The following RALGPS1 variants were observed in gnomAD, a reference collection of about 807,000 sequenced individuals.
RALGPS1 encodes ras-specific guanine nucleotide-releasing factor RalGPS1.
A neutral mutation model predicts 78.8 loss-of-function variants in RALGPS1; 19 were observed. The observed-to-expected ratio is 0.24, with a 90% confidence interval of 0.17 to 0.35. The LOEUF (loss-of-function observed/expected upper bound fraction) is 0.35, where lower values mean the gene tolerates loss of function less well. RALGPS1 is among the 10% of genes least tolerant of loss of function. RALGPS1 has a pLI of 1.00. For synonymous variants in RALGPS1, 228 were observed against 256.3 expected, an observed-to-expected ratio of 0.89 and a Z score of 1.06; for missense variants, 454 against 688.3, an observed-to-expected ratio of 0.66 and a Z score of 3.81.
At chr9:126,920,993 G>C (rs1434558167) in intron 1 of RALGPS1, among the ~76,000 whole-genome samples, 2 of 152,230 alleles carry the variant, frequency 1.3e-5, no homozygotes, top group African/African-American at 2.4e-5. Context: ...GTAAAGTGGG[G>C]ATAGCAGTTT....
intron 11 of RALGPS1, chr9:127,184,427 G>A (rs2060502607): frequency 4.1e-6 from 1 of 245,426 alleles, no homozygotes; most frequent in Non-Finnish European, 8.1e-6. Flanking sequence ...GAAACAATGT[G>A]TGTGAATGTG....
At chr9:127,055,272 G>A (rs113703400) in intron 7 of RALGPS1, among the ~76,000 whole-genome samples, 10 of 152,156 alleles carry the variant, frequency 6.6e-5, no homozygotes, top group African/African-American at 2.2e-4. Context: ...CAGCTGGAGT[G>A]CAGTGGCCTG....
chr9:126,915,281 G>A (rs1268048697), intron 1 of RALGPS1, among the ~76,000 whole-genome samples: 1 of 140,052 alleles, frequency 7.1e-6, no homozygotes, highest in East Asian at 2.1e-4. Context: ...CGGGGGGCGG[G>A]GCCGGGGGGG....
chr9:126,964,343 C>T (rs1427593128), intron 2 of RALGPS1, among the ~76,000 whole-genome samples: 5 of 136,886 alleles, frequency 3.7e-5, no homozygotes, highest in Non-Finnish European at 7.6e-5. Context: ...CACTTTTGCC[C>T]GGGTGACAGA....
At chr9:127,053,869 G>T (rs2048497622) in intron 7 of RALGPS1, among the ~76,000 whole-genome samples, 1 of 152,164 alleles carries the variant, frequency 6.6e-6, no homozygotes, top group Non-Finnish European at 1.5e-5. Flanking sequence ...AGAAGTTTTA[G>T]CCCAGTGTCA....
intron 10 of RALGPS1, among the ~76,000 whole-genome samples, chr9:127,170,303 C>T (rs180673072): frequency 1.1e-3 from 175 of 152,338 alleles, no homozygotes; most frequent in Non-Finnish European, 2.0e-3. Context: ...ACCTGGGAAA[C>T]TCTAACCATC....
chr9:127,115,747 A>G (rs955443176), intron 8 of RALGPS1, among the ~76,000 whole-genome samples: 2 of 152,226 alleles, frequency 1.3e-5, no homozygotes, highest in Non-Finnish European at 2.9e-5. Context: ...GGTCAGCACA[A>G]GGGTGTGTTT....
At chr9:127,030,934 AG>A (rs1477838209) in intron 4 of RALGPS1, among the ~76,000 whole-genome samples, 1 of 152,180 alleles carries the variant, frequency 6.6e-6, no homozygotes, top group Non-Finnish European at 1.5e-5. Context: ...TGGTGACAGG[AG>A]GAAGGTCTCA....
chr9:127,141,613 T>C (rs1440990230), intron 8 of RALGPS1, among the ~76,000 whole-genome samples: 2 of 52,706 alleles, frequency 3.8e-5, no homozygotes, highest in East Asian at 8.3e-4. Context: ...ATTTTTTTAA[T>C]GGCAAAAAAA....
At chr9:126,958,136 A>AT (rs1433193518) in intron 1 of RALGPS1, among the ~76,000 whole-genome samples, 35 of 91,328 alleles carry the variant, frequency 3.8e-4, no homozygotes, top group African/African-American at 1.1e-3. Flanking sequence ...TAAAAAAAAA[A>AT]AAAAAAATAT....
At chr9:126,928,995 A>G (rs1377297686) in intron 1 of RALGPS1, among the ~76,000 whole-genome samples, 3 of 152,096 alleles carry the variant, frequency 2.0e-5, no homozygotes, top group African/African-American at 7.2e-5. Flanking sequence ...TTCATTAGAG[A>G]ATTATTGCAT....
intron 8 of RALGPS1, among the ~76,000 whole-genome samples, chr9:127,093,245 G>C (rs538653737): frequency 8.4e-4 from 128 of 152,268 alleles, no homozygotes; most frequent in Non-Finnish European, 1.6e-3. Context: ...GAACCAGGGA[G>C]CCCAGAGGAT....
intron 5 of RALGPS1, among the ~76,000 whole-genome samples, chr9:127,043,319 G>C (rs2047476137): frequency 6.6e-6 from 1 of 151,866 alleles, no homozygotes; most frequent in Non-Finnish European, 1.5e-5. Context: ...ATGGTCAGCT[G>C]ATCTTTGATA....
intron 1 of RALGPS1, among the ~76,000 whole-genome samples, chr9:126,942,011 A>C (rs753742111): frequency 3.3e-5 from 5 of 152,210 alleles, no homozygotes; most frequent in Non-Finnish European, 5.9e-5. Flanking sequence ...CCCTCTAAGA[A>C]AGATGCTGCT....
At chr9:127,041,020 G>A (rs1485091826) in intron 5 of RALGPS1, among the ~76,000 whole-genome samples, 2 of 79,606 alleles carry the variant, frequency 2.5e-5, no homozygotes, top group Non-Finnish European at 6.5e-5. Flanking sequence ...GAATAAAGCT[G>A]CTACAAACAT....
intron 8 of RALGPS1, among the ~76,000 whole-genome samples, chr9:127,138,524 A>G (rs1172091590): frequency 6.6e-6 from 1 of 152,000 alleles, no homozygotes; most frequent in Non-Finnish European, 1.5e-5. Flanking sequence ...GGCACACACT[A>G]CTCCAGGGAA....
At chr9:127,049,826 T>G (rs1370444007) in intron 5 of RALGPS1, among the ~76,000 whole-genome samples, 2 of 152,206 alleles carry the variant, frequency 1.3e-5, no homozygotes, top group Non-Finnish European at 2.9e-5. Flanking sequence ...GGCACTGCAG[T>G]GTGCACTGGA....
chr9:127,095,365 T>A (rs150920038), intron 8 of RALGPS1, among the ~76,000 whole-genome samples: 1 of 152,266 alleles, frequency 6.6e-6, no homozygotes, highest in East Asian at 1.9e-4. Context: ...CCCACTGCAC[T>A]CCAGCCTGAG....
intron 4 of RALGPS1, among the ~76,000 whole-genome samples, chr9:127,017,497 G>A (rs2044965016): frequency 6.6e-6 from 1 of 152,120 alleles, no homozygotes. Context: ...GAATGTAAAG[G>A]CCTTGGACAT....
Sources: gnomAD v4.1 joint callset for allele counts (sites outside exome capture counted in the v4.1 genomes callset) on GRCh38, gnomAD v4.1.1 for gene constraint, MANE v1.5 for transcripts, NCBI Gene and HGNC (gene_info 2026-07-23, HGNC 2026-07-21) for gene names.